The following SLIT3 variants were observed in gnomAD, a reference collection of about 807,000 sequenced individuals.
The protein encoded by SLIT3 is slit guidance ligand 3.
A neutral mutation model predicts 184.0 loss-of-function variants in SLIT3; 68 were observed. The ratio of observed to expected loss-of-function variants is 0.37; its 90% CI spans 0.30 to 0.45. The LOEUF (loss-of-function observed/expected upper bound fraction) is 0.45. Ranked by LOEUF, SLIT3 falls within the 20% of genes least tolerant of loss-of-function variation. The pLI, the probability that SLIT3 is intolerant of heterozygous loss-of-function variation, is 1.00. For synonymous variants in SLIT3, 831 were observed against 828.6 expected (o/e 1.00, Z -0.05); for missense variants, 1,707 against 2,026.0 (o/e 0.84, Z 3.02).
chr5:169,159,645 A>G (rs140607014), intron 4 of SLIT3, among the ~76,000 whole-genome samples: 3,210 of 152,160 alleles, frequency 0.021, 57 homozygotes, highest in Non-Finnish European at 0.034. Flanking sequence ...GCGTGGTGGC[A>G]GGCACCTGTA....
intron 20 of SLIT3, among the ~76,000 whole-genome samples, chr5:168,744,219 G>A (rs573961087): frequency 9.8e-5 from 15 of 152,324 alleles, no homozygotes; most frequent in Middle Eastern, 3.4e-3. Flanking sequence ...AACCCAGGAG[G>A]TGGAGCTTGC....
At chr5:169,091,876 G>C (rs1220847512) in intron 4 of SLIT3, among the ~76,000 whole-genome samples, 1 of 152,234 alleles carries the variant, frequency 6.6e-6, no homozygotes, top group African/African-American at 2.4e-5. Context: ...CATTGCCCAA[G>C]GTTGACAGCC....
At chr5:169,298,304 A>C (rs1767576867) in intron 1 of SLIT3, among the ~76,000 whole-genome samples, 1 of 152,014 alleles carries the variant, frequency 6.6e-6, no homozygotes, top group South Asian at 2.1e-4. Context: ...GGCCTCTGGG[A>C]ATGACCAGGA....
At position 169,147,910 on chromosome 5, in the gene SLIT3, T is replaced by G. The variant is rs546462433; in HGVS notation, c.413+45569A>C. Among the ~76,000 whole-genome samples, 36 of 152,322 alleles carry G rather than the reference T, an allele frequency of 2.4e-4. No individual in the cohort carries two copies. The South Asian group carries it at 6.0e-3, about 25-fold the overall frequency. On this transcript the variant is annotated intron_variant, in intron 4 of 35. Coordinates refer to ENST00000519560, the MANE Select transcript of SLIT3 (RefSeq NM_003062.4). ...GTGTGCCTTTCCCTTTTCCTCCGTC[T>G]TCTCTCTGCCCCCTCCTTGGCTGGT...
intron 5 of SLIT3, among the ~76,000 whole-genome samples, chr5:168,869,104 A>C (rs190577498): frequency 1.3e-5 from 2 of 152,350 alleles, no homozygotes; most frequent in East Asian, 3.9e-4. Flanking sequence ...CAGTGTTAAC[A>C]CTTTTAATTT....
chr5:168,931,765 T>C (rs1234730859), intron 4 of SLIT3, among the ~76,000 whole-genome samples: 1 of 152,196 alleles, frequency 6.6e-6, no homozygotes, highest in Admixed American at 6.5e-5. Context: ...AGGTGTATGA[T>C]GAGGGTGTCT....
intron 4 of SLIT3, among the ~76,000 whole-genome samples, chr5:169,026,795 GAA>G (rs35980522): frequency 2.0e-4 from 30 of 147,330 alleles, no homozygotes; most frequent in African/African-American, 6.2e-4. Context: ...ACTATCATCA[GAA>G]AAAAAAAACC....
At chr5:168,674,547 A>G (rs936585293) in intron 32 of SLIT3, among the ~76,000 whole-genome samples, 2 of 140,130 alleles carry the variant, frequency 1.4e-5, no homozygotes, top group Non-Finnish European at 3.0e-5. Flanking sequence ...GCTGGAGTGC[A>G]GTAGCATGAT....
chr5:168,817,293 T>A lies in SLIT3; in HGVS notation c.793+7A>T, dbSNP rs1691664797. Reference sequence around the variant, plus strand: ...ACAGGAGGGGAGAGCAGGTAAAGCATCCTCACCTGGGCACACGTACTCCTT... The same window carrying A: ...ACAGGAGGGGAGAGCAGGTAAAGCAACCTCACCTGGGCACACGTACTCCTT... On this transcript the variant is annotated splice_region_variant and intron_variant, in intron 8 of 35. Coordinates refer to ENST00000519560, the MANE Select transcript of SLIT3 (RefSeq NM_003062.4). The A allele has an allele frequency of 6.2e-7, 1 of 1,613,468 alleles. No homozygotes were observed.
chr5:168,791,151 T>A (rs1756352354), intron 10 of SLIT3: 1 of 152,266 alleles, frequency 6.6e-6, no homozygotes, highest in Admixed American at 6.5e-5. Flanking sequence ...ATGCAAAGCA[T>A]TCCAGACAAA....
intron 12 of SLIT3, among the ~76,000 whole-genome samples, chr5:168,782,194 C>G (rs1017091209): frequency 1.3e-5 from 2 of 152,152 alleles, no homozygotes; most frequent in Admixed American, 1.3e-4. Flanking sequence ...AATTAAACAA[C>G]AGGTGCTAGA....
In SLIT3 at chr5:168,806,411, G is replaced by C. The variant is rs746544169; in HGVS notation, c.935+35C>G. 23 of 1,612,674 alleles carry C rather than the reference G, an allele frequency of 1.4e-5. No individual in the cohort carries two copies. In the African/African-American group the frequency reaches 2.3e-4, roughly 16 times the overall value. ...GGGACAGGGAGCTGAATTCTCCGGC[G>C]ACAGTTGTTGGGGGTGTCAGACAGG... On this transcript the variant is annotated intron_variant, in intron 9 of 35. Coordinates refer to ENST00000519560, the MANE Select transcript of SLIT3 (RefSeq NM_003062.4).
intron 4 of SLIT3, among the ~76,000 whole-genome samples, chr5:169,144,566 G>A (rs1761865560): frequency 6.6e-6 from 1 of 152,218 alleles, no homozygotes; most frequent in Admixed American, 6.5e-5. Context: ...TGTTTGACAA[G>A]TAAGTGAATG....
At chr5:168,713,511 C>T (rs947773379) in intron 23 of SLIT3, among the ~76,000 whole-genome samples, 2 of 152,246 alleles carry the variant, frequency 1.3e-5, no homozygotes, top group African/African-American at 4.8e-5. Flanking sequence ...TCTTTAGTGA[C>T]TGATGGGCAC....
intron 12 of SLIT3, among the ~76,000 whole-genome samples, chr5:168,778,273 G>T (rs2113554046): frequency 6.6e-6 from 1 of 152,318 alleles, no homozygotes; most frequent in African/African-American, 2.4e-5. Flanking sequence ...AAGAAAACAG[G>T]TTCAGAGTGG....
At chr5:168,859,811 G>A (rs1759037439) in intron 5 of SLIT3, among the ~76,000 whole-genome samples, 1 of 152,132 alleles carries the variant, frequency 6.6e-6, no homozygotes, top group African/African-American at 2.4e-5. Context: ...TTTGGGAGTG[G>A]GAGTAGGATG....
chr5:169,298,608 T>C (rs1767588399), intron 1 of SLIT3, among the ~76,000 whole-genome samples: 2 of 152,184 alleles, frequency 1.3e-5, no homozygotes, highest in Admixed American at 1.3e-4. Context: ...CAGCAGCCTA[T>C]TCTAAGATCC....
rs187121808 is a variant in SLIT3, at chr5:169,175,631, C to A, written c.413+17848G>T. On this transcript the variant is annotated intron_variant, in intron 4 of 35. Transcript: ENST00000519560. Reference sequence around the variant, plus strand: ...GTTGTGTTATTGACTATTATTTCCACTATATCTTCTCGTCTTCCTATGTTC... The same window carrying A: ...GTTGTGTTATTGACTATTATTTCCAATATATCTTCTCGTCTTCCTATGTTC... Among the ~76,000 whole-genome samples the A allele has an allele frequency of 9.2e-5, 14 of 152,300 alleles. 1 individual carries two copies. The highest frequency in any genetic ancestry group is 7.8e-4 in the Admixed American group (12 of 15,302).
At chr5:169,254,861 T>C (rs548840296) in intron 1 of SLIT3, among the ~76,000 whole-genome samples, 1 of 152,352 alleles carries the variant, frequency 6.6e-6, no homozygotes, top group South Asian at 2.1e-4. Context: ...TGGTTATAAC[T>C]TATGAGAAAC....
Sources: allele counts gnomAD v4.1 joint callset (sites outside exome capture counted in the v4.1 genomes callset), GRCh38; gene constraint gnomAD v4.1.1; transcripts MANE v1.5; gene names NCBI Gene and HGNC (gene_info 2026-07-23, HGNC 2026-07-21).